TBC1D30: variants seen among roughly 807,000 people sequenced by gnomAD.
TBC1D30 encodes the protein TBC1 domain family, member 30.
TBC1D30 carries 31 observed loss-of-function variants against 63.2 expected under a neutral mutation model. The observed-to-expected ratio is 0.49, with a 90% CI of 0.37 to 0.66. The LOEUF is 0.66. Ranked by LOEUF, TBC1D30 falls within the 30% of genes least tolerant of loss-of-function variation. The probability of loss-of-function intolerance (pLI) is 0.00; values close to 1 mark genes in which losing one functional copy is unlikely to be tolerated. For synonymous variants in TBC1D30, 307 were observed against 361.5 expected (o/e 0.85, Z 1.71); for missense variants, 810 against 953.6 (o/e 0.85, Z 1.98).
At chr12:64,770,904 G>A (rs1242960499) in intron 1 of TBC1D30, among the ~76,000 whole-genome samples, 4 of 151,014 alleles carry the variant, frequency 2.6e-5, no homozygotes, top group African/African-American at 9.7e-5. Flanking sequence ...AGTGGAGATG[G>A]GGTTTCATCA....
chr12:64,825,275 C>A (rs76550614), intron 1 of TBC1D30: 2 of 457,470 alleles, frequency 4.4e-6, no homozygotes, highest in African/African-American at 2.0e-5. Context: ...TCCACCCTCT[C>A]CCCGCGGACC....
Position 64,875,535 on chromosome 12 carries a change from G to A in TBC1D30, c.2033G>A (p.Cys678Tyr). Reference sequence around the variant, plus strand: ...ACTGAGCTCAGGGTGCACCCACCCTGCCAGCGGCACTGCCCAGAGCCGCCG... The same window carrying A: ...ACTGAGCTCAGGGTGCACCCACCCTACCAGCGGCACTGCCCAGAGCCGCCG... Reference protein sequence around the residue: ...AETELRVHPPCQRHCPEPPSA... With the variant: ...AETELRVHPPYQRHCPEPPSA... The change falls in exon 12 of 12, where the codon TGC (cysteine) becomes TAC (tyrosine). Residue 678 changes from cysteine to tyrosine, a missense_variant. Physicochemically the swap from Cys to Tyr is radical, Grantham distance 194 (BLOSUM62 -2). Coordinates refer to ENST00000539867, the MANE Select transcript of TBC1D30 (RefSeq NM_015279.2). 1.3e-6 allele frequency: 2 copies of A among 1,536,112 alleles called. No homozygotes were observed. The highest frequency in any genetic ancestry group is 2.7e-5 in the African/African-American group (2 of 73,148).
At position 64,880,273 on chromosome 12, in the gene TBC1D30, G is replaced by A. The variant is rs1649535879; in HGVS notation, c.*4485G>A. 6.6e-6 allele frequency: 1 copy of A among 152,322 alleles called. No homozygotes were observed. Among genetic ancestry groups the A allele is most frequent in the South Asian group, 2.1e-4 (1 of 4,834 alleles). The allele number at this position is 152,322 out of a possible 1,614,324, so 9.4% of individuals were successfully genotyped here. On this transcript the variant is annotated 3_prime_UTR_variant, in exon 12 of 12. Transcript: ENST00000539867. ...TGGGGACTGGTACTGTAGGTATTGG[G>A]TCAGCTTTCATGCCGTTCCCTGCTG...
At chr12:64,798,371 A>G (rs1025649624) in intron 2 of TBC1D30, among the ~76,000 whole-genome samples, 1 of 152,226 alleles carries the variant, frequency 6.6e-6, no homozygotes, top group Non-Finnish European at 1.5e-5. Context: ...CATCTTTCCA[A>G]TATAATCAGC....
intron 8 of TBC1D30, among the ~76,000 whole-genome samples, chr12:64,857,832 T>G (rs141687167): frequency 6.6e-6 from 1 of 152,348 alleles, no homozygotes; most frequent in East Asian, 1.9e-4. Flanking sequence ...TGTGTGTGAA[T>G]GCTGAGTGAG....
upstream of TBC1D30, among the ~76,000 whole-genome samples, chr12:64,778,481 A>G (rs577583786): frequency 6.6e-6 from 1 of 151,740 alleles, no homozygotes; most frequent in Non-Finnish European, 1.5e-5. Context: ...AAGAGAACTA[A>G]GGAAAACCTG....
At chr12:64,827,250 G>A (rs1300578071) in intron 1 of TBC1D30, among the ~76,000 whole-genome samples, 1 of 152,150 alleles carries the variant, frequency 6.6e-6, no homozygotes, top group African/African-American at 2.4e-5. Flanking sequence ...AGGAGTTTCA[G>A]ATCAGCCTGA....
In TBC1D30 at chr12:64,864,890, C is replaced by T. The variant is rs377433040; in HGVS notation, c.1151+110C>T. 9.0e-5 allele frequency: 66 copies of T among 730,096 alleles called. 1 individual carries two copies. Among genetic ancestry groups the T allele is most frequent in the East Asian group, 6.9e-4 (25 of 36,496 alleles). The allele number at this position is 730,096 out of a possible 1,614,324, so 45.2% of individuals were successfully genotyped here. ...CCAGAGATATGTTAAAGTAAGTTGA[C>T]ACTTAGAATCTAATGTCCCTTTCCA... On this transcript the variant is annotated intron_variant, in intron 9 of 11. Transcript: ENST00000539867.
chr12:64,768,998 A>G (rs1198652576), intron 1 of TBC1D30, among the ~76,000 whole-genome samples: 1 of 152,064 alleles, frequency 6.6e-6, no homozygotes, highest in Non-Finnish European at 1.5e-5. Flanking sequence ...CGCTACAATA[A>G]AATACAAAAA....
At chr12:64,816,202 T>C (rs143173922) in intron 2 of TBC1D30, among the ~76,000 whole-genome samples, 4,537 of 152,106 alleles carry the variant, frequency 0.03, 208 homozygotes, top group African/African-American at 0.1. Flanking sequence ...CTGGCTAATT[T>C]TTGTATTTTT....
chr12:64,835,458 C>T (rs1875260230), intron 5 of TBC1D30, among the ~76,000 whole-genome samples: 1 of 152,044 alleles, frequency 6.6e-6, no homozygotes, highest in Admixed American at 6.6e-5. Flanking sequence ...GCTACTTTTC[C>T]ATCGACATAG....
At position 64,878,370 on chromosome 12, in the gene TBC1D30, C is replaced by T. The variant is rs1879234450; in HGVS notation, c.*2582C>T. ...ATGTATTGGACACTGTATGCAAACA[C>T]CAGAAGTACTTAACAAGTAGTGGTT... is the stretch of plus-strand genomic sequence containing the variant. On this transcript the variant is annotated 3_prime_UTR_variant, in exon 12 of 12. Transcript: ENST00000539867. 1 of 453,066 alleles carries T rather than the reference C, an allele frequency of 2.2e-6. No individual in the cohort carries two copies. 28.1% of individuals were successfully genotyped at this position (453,066 alleles called of 1,614,324 possible). A position where few individuals can be genotyped will look rare whatever the true frequency, so the allele number is the denominator to read the frequency against.
At chr12:64,777,213 T>C, upstream of TBC1D30, among the ~76,000 whole-genome samples, 1 of 152,038 alleles carries the variant, frequency 6.6e-6, no homozygotes, top group East Asian at 1.9e-4. Flanking sequence ...AAGGATGCCC[T>C]CTCCCACTGC....
chr12:64,775,032 G>A (rs1341996874), intron 1 of TBC1D30, among the ~76,000 whole-genome samples: 1 of 151,860 alleles, frequency 6.6e-6, no homozygotes, highest in Non-Finnish European at 1.5e-5. Flanking sequence ...GGCAGAGGTT[G>A]CAGTGAGCCG....
chr12:64,835,582 C>T (rs908639771), intron 5 of TBC1D30, among the ~76,000 whole-genome samples: 8 of 152,106 alleles, frequency 5.3e-5, no homozygotes, highest in Non-Finnish European at 8.8e-5. Context: ...GCATGCCAGA[C>T]CTTTTAAGAA....
chr12:64,860,332 T>C (rs944148446), intron 8 of TBC1D30, among the ~76,000 whole-genome samples: 1 of 152,130 alleles, frequency 6.6e-6, no homozygotes, highest in South Asian at 2.1e-4. Flanking sequence ...TTTTTTAATG[T>C]ATTTTAGAGA....
intron 1 of TBC1D30, among the ~76,000 whole-genome samples, chr12:64,772,029 C>T (rs191287244): frequency 0.015 from 2,305 of 151,884 alleles, 39 homozygotes; most frequent in Non-Finnish European, 0.026. Flanking sequence ...CTGAGGCAGG[C>T]GGATCACCTG....
rs1000837155 is a variant in TBC1D30 at position 64,876,316 on chromosome 12, A to G, written c.*528A>G. On this transcript the variant is annotated 3_prime_UTR_variant, in exon 12 of 12. Coordinates refer to ENST00000539867, the MANE Select transcript of TBC1D30 (RefSeq NM_015279.2). ...GTCGTGTGAGATTTCCCACAGTACC[A>G]GTTTCAAATTTTTTTTTTATTCTTA... 1.9e-5 allele frequency: 3 copies of G among 156,530 alleles called. No homozygotes were observed. Among genetic ancestry groups the G allele is most frequent in the African/African-American group, 7.2e-5 (3 of 41,460 alleles). The allele number at this position is 156,530 out of a possible 1,614,324, so 9.7% of individuals were successfully genotyped here. A position where few individuals can be genotyped will look rare whatever the true frequency, so the allele number is the denominator to read the frequency against.
chr12:64,842,165 C>T (rs1875935873), intron 7 of TBC1D30, among the ~76,000 whole-genome samples: 5 of 152,112 alleles, frequency 3.3e-5, no homozygotes, highest in Admixed American at 3.3e-4. Context: ...TGAGACCAGC[C>T]TGGCCAACAT....
Sources: allele counts gnomAD v4.1 joint callset (sites outside exome capture counted in the v4.1 genomes callset), GRCh38; gene constraint gnomAD v4.1.1; transcripts MANE v1.5; gene names NCBI Gene and HGNC (gene_info 2026-07-23, HGNC 2026-07-21).